UNC80: variants seen among roughly 807,000 people sequenced by gnomAD.
UNC80 encodes the protein protein unc-80 homolog.
Under a neutral mutation model 384.6 loss-of-function variants are expected in UNC80, and 164 were observed. That is an observed-to-expected ratio of 0.43 (90% confidence interval 0.38 to 0.49). The LOEUF (loss-of-function observed/expected upper bound fraction) is 0.49. Ranked by LOEUF, UNC80 falls within the 20% of genes least tolerant of loss-of-function variation. The probability of loss-of-function intolerance (pLI) is 0.00; values close to 1 mark genes in which losing one functional copy is unlikely to be tolerated. For synonymous variants in UNC80, 1,486 were observed against 1,527.8 expected (o/e 0.97, Z 0.64); for missense variants, 3,330 against 4,143.0 (o/e 0.80, Z 5.39).
At chr2:209,835,075 T>A (rs751278273) in intron 18 of UNC80, 65 bp downstream of exon 18, 7 of 1,262,258 alleles carry the variant, frequency 5.5e-6, no homozygotes, top group Non-Finnish European at 7.8e-6. Flanking sequence ...AGAATTTCTA[T>A]TTTCCAAACT....
intron 48 of UNC80, among the ~76,000 whole-genome samples, chr2:209,956,571 TA>T (rs1553613954): frequency 3.7e-4 from 55 of 150,376 alleles, no homozygotes; most frequent in African/African-American, 1.3e-3. Flanking sequence ...CTTTTTTTTT[TA>T]AATTTTTTAA....
intron 7 of UNC80, among the ~76,000 whole-genome samples, chr2:209,808,557 A>G (rs1470400328): frequency 6.8e-6 from 1 of 147,884 alleles, no homozygotes. Context: ...AGGCGGGCCC[A>G]GGCTGCTACT....
chr2:209,803,765 C>G (rs1023418097), intron 7 of UNC80, among the ~76,000 whole-genome samples: 1 of 152,124 alleles, frequency 6.6e-6, no homozygotes, highest in Admixed American at 6.6e-5. Context: ...CAGGGTCTCA[C>G]TCTGCCACTG....
intron 7 of UNC80, chr2:209,808,704 T>G: frequency 4.6e-5 from 5 of 107,708 alleles, no homozygotes; most frequent in Non-Finnish European, 7.8e-5. Context: ...CTTAAGGGAG[T>G]TGGCGGAGCG....
chr2:209,941,250 C>G lies in UNC80; in HGVS notation c.6676C>G (p.Leu2226Val). Reference sequence around the variant, plus strand: ...AAAGGAACTGTTTGGCCTCGACACTCTTCAGAAAAGCTTGTGGATCCAGCT... The same window carrying G: ...AAAGGAACTGTTTGGCCTCGACACTGTTCAGAAAAGCTTGTGGATCCAGCT... ...AGKELFGLDT[L>V]QKSLWIQLLE... The change falls in exon 44 of 65, where the codon CTT becomes GTT. Residue 2226 changes from leucine to valine, a missense_variant. Around this residue, in one of 8 missense-constraint regions of UNC80, gnomAD observed 1,049 missense variants for 1,488.6 expected, o/e 0.70. Coordinates refer to ENST00000673920, the MANE Select transcript of UNC80 (RefSeq NM_001371986.1). The G allele has an allele frequency of 1.3e-6, 2 of 1,533,526 alleles. No individual in the cohort carries two copies. Among genetic ancestry groups the G allele is most frequent in the Non-Finnish European group, 1.8e-6 (2 of 1,133,142 alleles). 95.0% of individuals were successfully genotyped at this position (1,533,526 alleles called of 1,614,324 possible).
chr2:209,812,800 A>G (rs919147560), intron 7 of UNC80, among the ~76,000 whole-genome samples: 1 of 152,194 alleles, frequency 6.6e-6, no homozygotes, highest in African/African-American at 2.4e-5. Context: ...CCTAAGATAC[A>G]TAGGATGGTG....
rs932242073 is a variant in UNC80, at chr2:209,916,976, C to T, written c.5030-801C>T. ...TGGGAGGTTCACCAGTAAAGAAAAT[C>T]GCAAGCTAAGAGAAGTTAAGAGGCT... On this transcript the variant is annotated intron_variant, in intron 31 of 64. Transcript: ENST00000673920. 3.9e-5 allele frequency among the ~76,000 whole-genome samples: 6 copies of T among 152,178 alleles called. No homozygotes were observed. In the South Asian group the frequency reaches 6.2e-4, roughly 16 times the overall value.
rs1425490698 is a variant in UNC80 at position 209,995,533 on chromosome 2, T to C, written c.9913T>C (p.Phe3305Leu). The C allele has an allele frequency of 1.4e-5, 22 of 1,551,916 alleles. No individual in the cohort carries two copies. The highest frequency in any genetic ancestry group is 1.4e-5 in the Non-Finnish European group (16 of 1,147,080). Residue 3305 changes from phenylalanine (F) to leucine (L), a missense_variant, in exon 65 of 65, where the codon TTC (phenylalanine) becomes CTC (leucine). By Grantham distance (22) the Phe-to-Leu change is conservative. Coordinates refer to ENST00000673920, the MANE Select transcript of UNC80 (RefSeq NM_001371986.1). Reference protein sequence around the residue: ...GMENPLLSSQFTFTPTELGKT... With the variant: ...GMENPLLSSQLTFTPTELGKT... ...GGAGAACCCGCTACTATCTAGTCAG[T>C]TCACCTTTACTCCCACTGAGCTGGG...
At chr2:209,934,456 C>T (rs758979401) in intron 39 of UNC80, among the ~76,000 whole-genome samples, 6 of 152,146 alleles carry the variant, frequency 3.9e-5, no homozygotes, top group African/African-American at 7.2e-5. Context: ...GAACATGAAG[C>T]GTGATGTAAA....
chr2:209,808,711 A>T, intron 7 of UNC80: 1 of 108,230 alleles, frequency 9.2e-6, no homozygotes, highest in South Asian at 2.9e-4. Flanking sequence ...GAGTTGGCGG[A>T]GCGGCTGCAC....
intron 28 of UNC80, among the ~76,000 whole-genome samples, chr2:209,898,790 C>T (rs1459938778): frequency 6.6e-6 from 1 of 152,192 alleles, no homozygotes; most frequent in Admixed American, 6.5e-5. Context: ...CCTCTGGTAA[C>T]CATCTTTCTA....
At position 209,933,841 on chromosome 2, in the gene UNC80, T is replaced by C. The variant is rs1294193116; in HGVS notation, c.6014T>C (p.Phe2005Ser). Residue 2005 changes from phenylalanine to serine, a missense_variant, in exon 39 of 65, where the codon TTT becomes TCT. Phe to Ser is a radical substitution (Grantham distance 155, BLOSUM62 -2). This residue lies in a region of UNC80 where 1,049 missense variants were observed against 1,488.6 expected (regional missense o/e 0.70). Coordinates refer to ENST00000673920, the MANE Select transcript of UNC80 (RefSeq NM_001371986.1). ...FNYLVGLIMYFVRTPCEWGMD... is the reference protein window; with the variant it reads ...FNYLVGLIMYSVRTPCEWGMD... ...TTCTAGGTAGGATTAATCATGTACT[T>C]TGTGCGGACCCCCTGCGAGTGGGGG... is the stretch of plus-strand genomic sequence containing the variant. 6.4e-7 allele frequency: 1 copy of C among 1,550,982 alleles called. No individual in the cohort carries two copies. Among genetic ancestry groups the C allele is most frequent in the Non-Finnish European group, 8.7e-7 (1 of 1,146,636 alleles).
At chr2:209,793,000 A>G (rs1044340946) in intron 6 of UNC80, among the ~76,000 whole-genome samples, 1 of 152,218 alleles carries the variant, frequency 6.6e-6, no homozygotes, top group Admixed American at 6.5e-5. Flanking sequence ...CTCTCTGTCC[A>G]TCATGATTGA....
chr2:209,841,748 A>G (rs1377876792), intron 20 of UNC80, among the ~76,000 whole-genome samples: 2 of 152,206 alleles, frequency 1.3e-5, no homozygotes, highest in Non-Finnish European at 2.9e-5. Flanking sequence ...TATATGTATC[A>G]TTCCTTCCTT....
chr2:209,858,217 G>T (rs1166048953), intron 22 of UNC80, among the ~76,000 whole-genome samples: 1 of 152,116 alleles, frequency 6.6e-6, no homozygotes, highest in East Asian at 1.9e-4. Context: ...GATTTCTAAT[G>T]ATTTGAACCA....
At chr2:209,776,448 G>A (rs937020664) in intron 3 of UNC80, among the ~76,000 whole-genome samples, 9 of 152,100 alleles carry the variant, frequency 5.9e-5, no homozygotes, top group Admixed American at 5.9e-4. Context: ...GAGCATGGTG[G>A]TGCACACCTG....
In UNC80 at chr2:209,917,862, G is replaced by T; in HGVS notation, c.5115G>T (p.Val1705=). ...LMSEFHHPET[V]QRLNAVLKFH... Reference sequence around the variant, plus strand: ...CAGAGTTCCACCACCCGGAGACTGTGCAGAGGCTGAACGCTGTCCTCAAGT... The same window carrying T: ...CAGAGTTCCACCACCCGGAGACTGTTCAGAGGCTGAACGCTGTCCTCAAGT... The change falls in exon 32 of 65, where the codon GTG becomes GTT. Residue 1705 remains valine (V), a synonymous_variant. Coordinates refer to ENST00000673920, the MANE Select transcript of UNC80 (RefSeq NM_001371986.1). 8 of 1,552,024 alleles carry T rather than the reference G, an allele frequency of 5.2e-6. No individual in the cohort carries two copies. The highest frequency in any genetic ancestry group is 6.1e-6 in the Non-Finnish European group (7 of 1,147,038).
chr2:209,786,568 T>C (rs1192812673), intron 5 of UNC80, among the ~76,000 whole-genome samples: 1 of 152,212 alleles, frequency 6.6e-6, no homozygotes, highest in African/African-American at 2.4e-5. Flanking sequence ...ATCATCATCA[T>C]CATGGTAAAT....
In UNC80 at chr2:209,994,050, C is replaced by G. The variant is rs1389330006; in HGVS notation, c.9509-15C>G. 3.1e-5 allele frequency: 47 copies of G among 1,539,624 alleles called. No individual in the cohort carries two copies. The highest frequency in any genetic ancestry group is 3.9e-5 in the Non-Finnish European group (45 of 1,140,516). On this transcript the variant is annotated splice_polypyrimidine_tract_variant and intron_variant, in intron 63 of 64. Coordinates refer to ENST00000673920, the MANE Select transcript of UNC80 (RefSeq NM_001371986.1). The stretch of plus-strand genomic sequence containing the variant: ...CCAACTCCTCCCCAATTTACTGTTT[C>G]ACCTCTACCTGCAGCGGATCAGAAA...
Sources: gnomAD v4.1 joint callset for allele counts (sites outside exome capture counted in the v4.1 genomes callset) on GRCh38, gnomAD v4.1.1 for gene constraint, gnomAD v4.1.1 regional missense constraint, MANE v1.5 for transcripts, NCBI Gene and HGNC (gene_info 2026-07-23, HGNC 2026-07-21) for gene names.